Variants in PARD6B observed in about 807,000 individuals in gnomAD.
PARD6B encodes par-6 family cell polarity regulator beta.
Under a neutral mutation model 10.5 loss-of-function variants are expected in PARD6B, and 4 were observed. That is an observed-to-expected ratio of 0.38 (90% confidence interval 0.19 to 0.87). PARD6B has a LOEUF of 0.87. Among genes scored for constraint, PARD6B ranks in the 40% least tolerant of loss-of-function variants. PARD6B has a pLI of 0.41. For missense variants in PARD6B, 396 were observed against 470.6 expected (o/e 0.84, Z 1.47); for synonymous variants, 169 against 170.4 (o/e 0.99, Z 0.07).
At chr20:50,748,164 G>A (rs2087579674) in intron 2 of PARD6B, among the ~76,000 whole-genome samples, 1 of 152,184 alleles carries the variant, frequency 6.6e-6, no homozygotes, top group Non-Finnish European at 1.5e-5. Context: ...CCAACATAGT[G>A]AAACCGCATC....
rs1408595003 is a variant in PARD6B at position 50,752,703 on chromosome 20, A to G, written c.*2215A>G. The stretch of plus-strand genomic sequence containing the variant: ...TGCTATTACAACAATGAAGATTCAA[A>G]TGACTCCGCTTTGAAGGATGTTTTC... On this transcript the variant is annotated 3_prime_UTR_variant, in exon 3 of 3. Transcript: ENST00000371610. 2.0e-6 allele frequency: 2 copies of G among 980,890 alleles called. No homozygotes were observed. The highest frequency in any genetic ancestry group is 4.7e-5 in the South Asian group (1 of 21,184). The allele number at this position is 980,890 out of a possible 1,614,324, so 60.8% of individuals were successfully genotyped here. A position where few individuals can be genotyped will look rare whatever the true frequency, so the allele number is the denominator to read the frequency against.
rs1406436156 is a variant in PARD6B at position 50,753,177 on chromosome 20, G to T, written c.*2689G>T. On this transcript the variant is annotated 3_prime_UTR_variant, in exon 3 of 3. Transcript: ENST00000371610. ...TAACTGTAAAATACAGATTTATCTT[G>T]TACGCATTCATGGAAATGGAAATCA... is the stretch of plus-strand genomic sequence containing the variant. 2.7e-5 allele frequency: 27 copies of T among 984,370 alleles called. No homozygotes were observed. The highest frequency in any genetic ancestry group is 3.0e-5 in the Non-Finnish European group (25 of 829,316). 61.0% of individuals were successfully genotyped at this position (984,370 alleles called of 1,614,324 possible).
chr20:50,741,116 A>G (rs1409877154), intron 2 of PARD6B, among the ~76,000 whole-genome samples: 1 of 152,028 alleles, frequency 6.6e-6, no homozygotes, highest in Non-Finnish European at 1.5e-5. Flanking sequence ...GCATGCCACC[A>G]TGCCTGGCTA....
At position 50,750,792 on chromosome 20, in the gene PARD6B, A is replaced by T; in HGVS notation, c.*304A>T. On this transcript the variant is annotated 3_prime_UTR_variant, in exon 3 of 3. Transcript: ENST00000371610. ...TGGAACTATGTGAGAAGACTAGATCATTTCTGTTGGAAGTGGTTGCATATT... is the reference window on the plus strand; with the variant it reads ...TGGAACTATGTGAGAAGACTAGATCTTTTCTGTTGGAAGTGGTTGCATATT... 1 of 1,108,574 alleles carries T rather than the reference A, an allele frequency of 9.0e-7. No individual in the cohort carries two copies. The highest frequency in any genetic ancestry group is 1.6e-5 in the African/African-American group (1 of 61,348). The allele number at this position is 1,108,574 out of a possible 1,614,324, so 68.7% of individuals were successfully genotyped here. A position where few individuals can be genotyped will look rare whatever the true frequency, so the allele number is the denominator to read the frequency against.
intron 2 of PARD6B, among the ~76,000 whole-genome samples, chr20:50,739,498 T>G (rs375095476): frequency 8.9e-4 from 136 of 152,150 alleles, no homozygotes; most frequent in African/African-American, 3.1e-3. Flanking sequence ...TCTTTGAAGG[T>G]GAAAACTATT....
At chr20:50,748,809 A>G (rs2087583350) in intron 2 of PARD6B, among the ~76,000 whole-genome samples, 1 of 152,188 alleles carries the variant, frequency 6.6e-6, no homozygotes, top group Non-Finnish European at 1.5e-5. Flanking sequence ...GACGTGAGGC[A>G]CCACGCCCAA....
In PARD6B at chr20:50,732,351, A is replaced by G. The variant is rs114397049; in HGVS notation, c.66+499A>G. Among the ~76,000 whole-genome samples, 1,293 of 152,328 alleles carry G rather than the reference A, an allele frequency of 8.5e-3. 16 individuals are homozygous for G. Among genetic ancestry groups the G allele is most frequent in the African/African-American group, 0.03 (1,246 of 41,578 alleles). On this transcript the variant is annotated intron_variant, in intron 1 of 2. Transcript: ENST00000371610. ...TTTGCTTCCTGCTGGCGCTCTTTCT[A>G]GCACTAACTTTGGTATGCATTTAAT...
At chr20:50,742,191 G>T (rs1470313311) in intron 2 of PARD6B, among the ~76,000 whole-genome samples, 1 of 152,024 alleles carries the variant, frequency 6.6e-6, no homozygotes, top group South Asian at 2.1e-4. Context: ...CTACAGATGC[G>T]TGCCACCACG....
Position 50,752,753 on chromosome 20 carries a change from G to T in PARD6B, c.*2265G>T. On this transcript the variant is annotated 3_prime_UTR_variant, in exon 3 of 3. Coordinates refer to ENST00000371610, the MANE Select transcript of PARD6B (RefSeq NM_032521.3). Reference sequence around the variant, plus strand: ...CTCTATATGGTAAAATATATATGAAGAAGTCTTGATTACGTGAAGATCACT... The same window carrying T: ...CTCTATATGGTAAAATATATATGAATAAGTCTTGATTACGTGAAGATCACT... 11 of 982,008 alleles carry T rather than the reference G, an allele frequency of 1.1e-5. No individual in the cohort carries two copies. The highest frequency in any genetic ancestry group is 1.3e-5 in the Non-Finnish European group (11 of 826,444). The allele number at this position is 982,008 out of a possible 1,614,324, so 60.8% of individuals were successfully genotyped here.
chr20:50,734,545 A>G (rs1426201454), intron 1 of PARD6B, among the ~76,000 whole-genome samples: 1 of 150,292 alleles, frequency 6.7e-6, no homozygotes, highest in African/African-American at 2.5e-5. Context: ...TATTTTGTAG[A>G]GATGGGGTCT....
chr20:50,750,617 A>G lies in PARD6B; in HGVS notation c.*129A>G, dbSNP rs1400051048. 2 of 1,426,564 alleles carry G rather than the reference A, an allele frequency of 1.4e-6. No homozygotes were observed. Among genetic ancestry groups the G allele is most frequent in the African/African-American group, 1.4e-5 (1 of 69,588 alleles). 88.4% of individuals were successfully genotyped at this position (1,426,564 alleles called of 1,614,324 possible). A position where few individuals can be genotyped will look rare whatever the true frequency, so the allele number is the denominator to read the frequency against. On this transcript the variant is annotated 3_prime_UTR_variant, in exon 3 of 3. Coordinates refer to ENST00000371610, the MANE Select transcript of PARD6B (RefSeq NM_032521.3). ...GAGACGAGTAACGTTGCAAGCTTAC[A>G]ATATTATTAAAGTAGTAGTTTGATA... is the stretch of plus-strand genomic sequence containing the variant.
intron 1 of PARD6B, among the ~76,000 whole-genome samples, chr20:50,733,700 T>C (rs1030439183): frequency 2.0e-5 from 3 of 152,206 alleles, no homozygotes; most frequent in Non-Finnish European, 4.4e-5. Flanking sequence ...ATTTTTGTTA[T>C]AAGTTTAGTT....
rs1185676460 is a variant in PARD6B at position 50,753,605 on chromosome 20, CTA to C, written c.*3119_*3120del. On this transcript the variant is annotated 3_prime_UTR_variant, in exon 3 of 3. Coordinates refer to ENST00000371610, the MANE Select transcript of PARD6B (RefSeq NM_032521.3). ...TACATGAATGATACTTTGTTTATAA[CTA>C]TCAAATGTCAGTATTTTACTACAAT... 1.2e-6 allele frequency: 1 copy of C among 811,902 alleles called. No individual in the cohort carries two copies. Among genetic ancestry groups the C allele is most frequent in the Non-Finnish European group, 1.5e-6 (1 of 671,598 alleles). 50.3% of individuals were successfully genotyped at this position (811,902 alleles called of 1,614,324 possible).
chr20:50,736,990 G>T (rs186054595), intron 1 of PARD6B, among the ~76,000 whole-genome samples: 1 of 152,190 alleles, frequency 6.6e-6, no homozygotes, highest in African/African-American at 2.4e-5. Context: ...GAGCCATCGC[G>T]CCTGGCCTCA....
chr20:50,732,971 G>A (rs2087480384), intron 1 of PARD6B, among the ~76,000 whole-genome samples: 1 of 152,148 alleles, frequency 6.6e-6, no homozygotes, highest in African/African-American at 2.4e-5. Flanking sequence ...AAATCAAGGA[G>A]TGATTTGAGT....
Position 50,750,705 on chromosome 20 carries a change from C to T in PARD6B, c.*217C>T. ...TAAGTCCAAAACAAAGGGGCCTTTG[C>T]TGATGAAGTTACGTGCTTTTGCTGT... On this transcript the variant is annotated 3_prime_UTR_variant, in exon 3 of 3. Coordinates refer to ENST00000371610, the MANE Select transcript of PARD6B (RefSeq NM_032521.3). The T allele has an allele frequency of 7.5e-7, 1 of 1,333,014 alleles. No individual in the cohort carries two copies. Among genetic ancestry groups the T allele is most frequent in the Non-Finnish European group, 9.6e-7 (1 of 1,042,744 alleles). The allele number at this position is 1,333,014 out of a possible 1,614,324, so 82.6% of individuals were successfully genotyped here.
chr20:50,751,514 C>T lies in PARD6B; in HGVS notation c.*1026C>T, dbSNP rs532456683. On this transcript the variant is annotated 3_prime_UTR_variant, in exon 3 of 3. Transcript: ENST00000371610. ...GGGACTACAGGCGCCTGCCACCATG[C>T]CTGGCTAATTTTTAGTAGAGACGGG... The T allele has an allele frequency of 1.3e-6, 1 of 790,976 alleles. No individual in the cohort carries two copies. Among genetic ancestry groups the T allele is most frequent in the Non-Finnish European group, 1.5e-6 (1 of 653,738 alleles). The allele number at this position is 790,976 out of a possible 1,614,324, so 49.0% of individuals were successfully genotyped here. A position where few individuals can be genotyped will look rare whatever the true frequency, so the allele number is the denominator to read the frequency against.
intron 1 of PARD6B, among the ~76,000 whole-genome samples, chr20:50,734,179 A>G (rs1216823738): frequency 6.6e-6 from 1 of 152,224 alleles, no homozygotes; most frequent in Non-Finnish European, 1.5e-5. Flanking sequence ...TCAAATATAT[A>G]TTGCTGATAC....
chr20:50,733,985 A>G lies in PARD6B; in HGVS notation c.66+2133A>G, dbSNP rs571497375. ...GAATCTTTCACTTACTTCTGTCTAA[A>G]CTACATGTTGTATATTTGAACTGCC... On this transcript the variant is annotated intron_variant, in intron 1 of 2. Coordinates refer to ENST00000371610, the MANE Select transcript of PARD6B (RefSeq NM_032521.3). Among the ~76,000 whole-genome samples the G allele has an allele frequency of 2.6e-5, 4 of 152,296 alleles. No individual in the cohort carries two copies. In the East Asian group the frequency reaches 7.7e-4, roughly 29 times the overall value.
Sources: gnomAD v4.1 joint callset for allele counts (sites outside exome capture counted in the v4.1 genomes callset) on GRCh38, gnomAD v4.1.1 for gene constraint, MANE v1.5 for transcripts, NCBI Gene and HGNC (gene_info 2026-07-23, HGNC 2026-07-21) for gene names.